HDAC9: variants seen among roughly 807,000 people sequenced by gnomAD.
HDAC9 encodes histone deacetylase 9.
In HDAC9, 41 loss-of-function variants were observed where a neutral mutation model predicts 139.4. The ratio of observed to expected loss-of-function variants is 0.29; its 90% confidence interval spans 0.23 to 0.38. The LOEUF (loss-of-function observed/expected upper bound fraction) is 0.38, where lower values mean the gene tolerates loss of function less well. HDAC9 is among the 10% of genes least tolerant of loss of function. The pLI is 1.00. For missense variants in HDAC9, 1,147 were observed against 1,297.0 expected (o/e 0.88, Z 1.78); for synonymous variants, 517 against 476.2 (o/e 1.09, Z -1.12).
Position 18,567,908 on chromosome 7 carries a change from C to T in HDAC9, c.23-17373C>T, listed in dbSNP as rs1822920051. Among the ~76,000 whole-genome samples, 4 of 151,448 alleles carry T rather than the reference C, an allele frequency of 2.6e-5. No individual in the cohort carries two copies. In the South Asian group the frequency reaches 8.3e-4, roughly 32 times the overall value. On this transcript the variant is annotated intron_variant, in intron 2 of 25. Transcript: ENST00000686413. The stretch of plus-strand genomic sequence containing the variant: ...CACACATTAACAAACATTTAAATGT[C>T]AAATAAGCAGAATATCCTTTAATTT...
intron 1 of HDAC9, among the ~76,000 whole-genome samples, chr7:18,472,277 C>T (rs1002306544): frequency 3.3e-5 from 5 of 152,184 alleles, no homozygotes; most frequent in Non-Finnish European, 1.5e-5. Flanking sequence ...CTTCAGACTG[C>T]TCCCTGTAAT....
intron 2 of HDAC9, among the ~76,000 whole-genome samples, chr7:18,268,705 G>A (rs560984570): frequency 4.7e-4 from 71 of 152,106 alleles, no homozygotes; most frequent in Non-Finnish European, 9.3e-4. Context: ...TTTTGCCCTT[G>A]TTTATTTTCC....
At position 18,199,157 on chromosome 7, in the gene HDAC9, T is replaced by G. The variant is rs1309618329; in HGVS notation, c.25+36808T>G. ...TTGAGGACAACTAACAGTTAAGAGT[T>G]TTCTTGGGGAATAGTGTCACAGCAA... On this transcript the variant is annotated intron_variant, in intron 2 of 12. Transcript: ENST00000417496. Among the ~76,000 whole-genome samples, 4 of 152,180 alleles carry G rather than the reference T, an allele frequency of 2.6e-5. No individual in the cohort carries two copies. In the East Asian group the frequency reaches 7.7e-4, roughly 29 times the overall value.
At chr7:18,453,986 C>A (rs1285006080) in intron 1 of HDAC9, among the ~76,000 whole-genome samples, 3 of 151,972 alleles carry the variant, frequency 2.0e-5, no homozygotes, top group Non-Finnish European at 4.4e-5. Flanking sequence ...AAGATATTCT[C>A]GGAATTAGAT....
chr7:18,862,466 T>C (rs1324262551), intron 21 of HDAC9, among the ~76,000 whole-genome samples: 1 of 152,206 alleles, frequency 6.6e-6, no homozygotes, highest in Admixed American at 6.5e-5. Context: ...ATTGAATATC[T>C]TGAGTTGGAA....
intron 25 of HDAC9, among the ~76,000 whole-genome samples, chr7:18,981,875 GAA>G (rs1311301206): frequency 6.6e-6 from 1 of 151,762 alleles, no homozygotes; most frequent in African/African-American, 2.4e-5. Context: ...TCCTACCACA[GAA>G]ACAAACATGA....
intron 23 of HDAC9, among the ~76,000 whole-genome samples, chr7:18,944,573 C>A (rs28379904): frequency 0.016 from 2,430 of 152,006 alleles, 51 homozygotes; most frequent in African/African-American, 0.055. Context: ...TAAAATATAA[C>A]AATTATACAG....
intron 1 of HDAC9, among the ~76,000 whole-genome samples, chr7:18,124,146 G>C (rs1206525635): frequency 1.3e-5 from 2 of 152,104 alleles, no homozygotes; most frequent in Non-Finnish European, 2.9e-5. Flanking sequence ...TTGAAGTATA[G>C]TTCACCTTCG....
chr7:18,525,958 A>G (rs1196319358), intron 2 of HDAC9, among the ~76,000 whole-genome samples: 4 of 152,098 alleles, frequency 2.6e-5, no homozygotes, highest in Non-Finnish European at 5.9e-5. Context: ...CTCACCACCA[A>G]AGACATAATG....
At chr7:18,898,938 A>G (rs1250862832) in intron 22 of HDAC9, among the ~76,000 whole-genome samples, 1 of 151,992 alleles carries the variant, frequency 6.6e-6, no homozygotes, top group Non-Finnish European at 1.5e-5. Flanking sequence ...AAAATATTAG[A>G]CATCCCCTTA....
At chr7:18,450,032 A>G (rs1792670932) in intron 1 of HDAC9, among the ~76,000 whole-genome samples, 1 of 152,204 alleles carries the variant, frequency 6.6e-6, no homozygotes, top group Non-Finnish European at 1.5e-5. Flanking sequence ...CAAGTATCTC[A>G]AAAGATCATG....
intron 1 of HDAC9, among the ~76,000 whole-genome samples, chr7:18,090,918 C>T (rs1393191340): frequency 1.3e-5 from 2 of 152,130 alleles, no homozygotes; most frequent in Non-Finnish European, 2.9e-5. Flanking sequence ...TCCTCTCCTT[C>T]AAATCCCACT....
intron 12 of HDAC9, among the ~76,000 whole-genome samples, chr7:18,707,030 C>A (rs572693123): frequency 6.6e-6 from 1 of 152,054 alleles, no homozygotes; most frequent in Admixed American, 6.5e-5. Context: ...CTGGTTACCC[C>A]CAAGAAGAAA....
chr7:18,410,475 C>G (rs1788441276), intron 1 of HDAC9, among the ~76,000 whole-genome samples: 1 of 152,118 alleles, frequency 6.6e-6, no homozygotes, highest in Non-Finnish European at 1.5e-5. Context: ...AGAATGTTTT[C>G]TGAGCGTGAC....
chr7:18,350,391 A>G (rs1782761410), intron 1 of HDAC9, among the ~76,000 whole-genome samples: 1 of 152,190 alleles, frequency 6.6e-6, no homozygotes, highest in African/African-American at 2.4e-5. Flanking sequence ...ACTGTCAGTG[A>G]CAATACTCAT....
At chr7:18,542,805 C>T (rs781309632) in intron 2 of HDAC9, among the ~76,000 whole-genome samples, 3 of 152,106 alleles carry the variant, frequency 2.0e-5, no homozygotes, top group Non-Finnish European at 4.4e-5. Flanking sequence ...TATAGTCTTT[C>T]ACAGAGTTAA....
intron 2 of HDAC9, among the ~76,000 whole-genome samples, chr7:18,282,477 T>A (rs896907036): frequency 1.3e-5 from 2 of 152,182 alleles, no homozygotes; most frequent in Non-Finnish European, 2.9e-5. Context: ...ATGAGAGTGA[T>A]ACGTTGTGAT....
At chr7:18,432,161 C>A (rs910419293) in intron 1 of HDAC9, among the ~76,000 whole-genome samples, 5 of 152,214 alleles carry the variant, frequency 3.3e-5, no homozygotes, top group Admixed American at 2.6e-4. Flanking sequence ...GTTGCACCTC[C>A]ATCCACCTAT....
At chr7:18,339,237 AT>A (rs1396984943) in intron 1 of HDAC9, among the ~76,000 whole-genome samples, 2 of 150,450 alleles carry the variant, frequency 1.3e-5, no homozygotes, top group Admixed American at 6.6e-5. Context: ...GATTTTCTCT[AT>A]TGTTTTTCTA....
Sources: gnomAD v4.1 joint callset for allele counts (sites outside exome capture counted in the v4.1 genomes callset) on GRCh38, gnomAD v4.1.1 for gene constraint, MANE v1.5 for transcripts, NCBI Gene and HGNC (gene_info 2026-07-23, HGNC 2026-07-21) for gene names.